Variants in STK10 observed in about 807,000 individuals in gnomAD.
The protein encoded by STK10 is serine/threonine kinase 10, also known as serine/threonine-protein kinase 10.
STK10 carries 78 observed loss-of-function variants against 113.8 expected under a neutral mutation model. The ratio of observed to expected loss-of-function variants is 0.69; its 90% CI spans 0.57 to 0.83. The LOEUF (loss-of-function observed/expected upper bound fraction) is 0.83. Among genes scored for constraint, STK10 ranks in the 40% least tolerant of loss-of-function variants. The pLI is 0.00. For missense variants in STK10, 1,109 were observed against 1,280.1 expected (o/e 0.87, Z 2.04); for synonymous variants, 465 against 494.7 (o/e 0.94, Z 0.80).
At chr5:172,116,748 G>A (rs531146184) in intron 4 of STK10, among the ~76,000 whole-genome samples, 137 of 151,578 alleles carry the variant, frequency 9.0e-4, no homozygotes, top group South Asian at 2.7e-3. Context: ...GGTGCCTATA[G>A]TCCCAGCAAC....
chr5:172,175,651 C>T (rs755326394), intron 1 of STK10, among the ~76,000 whole-genome samples: 3 of 152,168 alleles, frequency 2.0e-5, no homozygotes, highest in Admixed American at 6.5e-5. Context: ...AGCTGAGGCA[C>T]GCTTGCAAAG....
Position 172,188,034 on chromosome 5 carries a change from A to G in STK10, c.9T>C (p.Phe3=). The G allele has an allele frequency of 1.2e-6, 2 of 1,612,426 alleles. No homozygotes were observed. The highest frequency in any genetic ancestry group is 1.7e-6 in the Non-Finnish European group (2 of 1,179,476). MA[F]ANFRRILRLS... ...GGCGCAGGATGCGGCGGAAATTGGC[A>G]AAAGCCATGGCCGGGGGCGCGGTGG... Residue 3 remains phenylalanine (F), a synonymous_variant, in exon 1 of 19, where the codon TTT becomes TTC. Coordinates refer to ENST00000176763, the MANE Select transcript of STK10 (RefSeq NM_005990.4). This position sits in a 1 kb window ranked among gnomAD's most constrained non-coding sequence, Gnocchi z 5.6.
At chr5:172,049,144 G>A (rs923447429) in intron 18 of STK10, among the ~76,000 whole-genome samples, 21 of 152,118 alleles carry the variant, frequency 1.4e-4, no homozygotes, top group African/African-American at 1.9e-4. Flanking sequence ...CGGTTCTTCC[G>A]GAGGGCATGG....
intron 12 of STK10, among the ~76,000 whole-genome samples, chr5:172,070,502 T>A (rs1768153485): frequency 6.6e-6 from 1 of 150,714 alleles, no homozygotes; most frequent in Non-Finnish European, 1.5e-5. Flanking sequence ...AGTGCTCCAT[T>A]TATAGCATTA....
chr5:172,074,794 G>A (rs987594774), intron 12 of STK10, among the ~76,000 whole-genome samples: 6 of 151,868 alleles, frequency 4.0e-5, no homozygotes, highest in Admixed American at 2.0e-4. Flanking sequence ...CGAAGCAGGC[G>A]GATCACTTGA....
At chr5:172,102,442 G>A (rs1173207992) in intron 7 of STK10, among the ~76,000 whole-genome samples, 3 of 152,224 alleles carry the variant, frequency 2.0e-5, no homozygotes, top group African/African-American at 7.2e-5. Flanking sequence ...GACCTCCGGG[G>A]AGTCAACAGC....
chr5:172,107,439 A>G (rs1336614104), intron 5 of STK10, among the ~76,000 whole-genome samples: 1 of 152,224 alleles, frequency 6.6e-6, no homozygotes, highest in African/African-American at 2.4e-5. Context: ...CACGGTCCCC[A>G]TCCCCGGCCC....
At chr5:172,081,197 A>G (rs1019210759) in intron 12 of STK10, among the ~76,000 whole-genome samples, 5 of 151,970 alleles carry the variant, frequency 3.3e-5, no homozygotes, top group African/African-American at 1.2e-4. Context: ...CCAAAAATAC[A>G]AAAATTAGCC....
intron 16 of STK10, 38 bp from the exon 17 acceptor site, chr5:172,054,732 G>A (rs1228497869): frequency 6.2e-7 from 1 of 1,603,524 alleles, no homozygotes. Flanking sequence ...AGGGGACCAG[G>A]GCCTGGCTGG....
chr5:172,106,912 G>C, intron 5 of STK10, 98 bp from the exon 6 acceptor site: 1 of 1,251,726 alleles, frequency 8.0e-7, no homozygotes, highest in Non-Finnish European at 1.1e-6. Flanking sequence ...CACTGTCGGG[G>C]TTGGCAGCAC....
intron 1 of STK10, among the ~76,000 whole-genome samples, chr5:172,174,131 C>A (rs1215762604): frequency 6.6e-6 from 1 of 152,142 alleles, no homozygotes; most frequent in East Asian, 1.9e-4. Flanking sequence ...TTCACTCACT[C>A]ATCCTTTCAA....
chr5:172,049,301 T>C (rs1482719034), intron 18 of STK10, among the ~76,000 whole-genome samples: 1 of 152,060 alleles, frequency 6.6e-6, no homozygotes, highest in African/African-American at 2.4e-5. Context: ...TCCCATGTGA[T>C]AAACACCATG....
chr5:172,050,788 C>T (rs1381335641), intron 18 of STK10, among the ~76,000 whole-genome samples: 2 of 151,944 alleles, frequency 1.3e-5, no homozygotes, highest in African/African-American at 4.8e-5. Flanking sequence ...TCATGGCTCA[C>T]TGCAGCCTTG....
chr5:172,116,364 G>A (rs1769383646), intron 4 of STK10, among the ~76,000 whole-genome samples: 1 of 152,170 alleles, frequency 6.6e-6, no homozygotes, highest in African/African-American at 2.4e-5. Flanking sequence ...TTACAGGCGT[G>A]AGCCACCATG....
intron 1 of STK10, among the ~76,000 whole-genome samples, chr5:172,158,421 A>G (rs1350202029): frequency 1.3e-5 from 2 of 152,194 alleles, no homozygotes; most frequent in Non-Finnish European, 2.9e-5. Context: ...TGAGGTCAGG[A>G]GTTCGAGACC....
intron 1 of STK10, among the ~76,000 whole-genome samples, chr5:172,186,483 G>A (rs371571501): frequency 6.6e-6 from 1 of 151,932 alleles, no homozygotes; most frequent in Admixed American, 6.6e-5. Flanking sequence ...AATTAGCCGG[G>A]CTGTGGTGTG....
At chr5:172,107,315 GAC>G (rs1423855409) in intron 5 of STK10, among the ~76,000 whole-genome samples, 1 of 152,188 alleles carries the variant, frequency 6.6e-6, no homozygotes, top group East Asian at 1.9e-4. Context: ...GAAATTGAGT[GAC>G]AGTGTTTTGC....
chr5:172,053,118 G>A, intron 17 of STK10, 76 bp from the exon 18 acceptor site: 3 of 1,149,420 alleles, frequency 2.6e-6, no homozygotes, highest in Non-Finnish European at 3.9e-6. Context: ...ACCTCACGCT[G>A]TGGCTACGAG....
At chr5:172,143,795 G>A (rs922152694) in intron 2 of STK10, among the ~76,000 whole-genome samples, 2 of 152,158 alleles carry the variant, frequency 1.3e-5, no homozygotes, top group Non-Finnish European at 2.9e-5. Context: ...CCCTTCATAC[G>A]ATCCAATATC....
Sources: allele counts gnomAD v4.1 joint callset (sites outside exome capture counted in the v4.1 genomes callset), GRCh38; gene constraint gnomAD v4.1.1; non-coding constraint Gnocchi (gnomAD v3.1); transcripts MANE v1.5; gene names NCBI Gene and HGNC (gene_info 2026-07-23, HGNC 2026-07-21).